Variants in REDIC1 observed in about 807,000 individuals in gnomAD.
REDIC1 encodes regulator of DNA class I crossover intermediates 1.
At chr12:39,854,326 G>A in the REDIC1 span, among the ~76,000 whole-genome samples, 2 of 152,148 alleles carry the variant, frequency 1.3e-5, no homozygotes, top group South Asian at 4.2e-4. Context: ...AATAATACTT[G>A]AATATTGTAA....
chr12:39,645,600 C>T, the REDIC1 span, among the ~76,000 whole-genome samples: 1 of 152,006 alleles, frequency 6.6e-6, no homozygotes, highest in Non-Finnish European at 1.5e-5. Flanking sequence ...TTTCTCTGGT[C>T]CCACATTTTA....
At chr12:39,895,541 TATATATATATACAC>T in the REDIC1 span, among the ~76,000 whole-genome samples, 736 of 93,510 alleles carry the variant, frequency 7.9e-3, 31 homozygotes, top group Non-Finnish European at 0.013. Flanking sequence ...TATATATATA[TATATATATATACAC>T]ACACACACAC....
At chr12:39,795,436 T>C in the REDIC1 span, among the ~76,000 whole-genome samples, 1 of 152,198 alleles carries the variant, frequency 6.6e-6, no homozygotes, top group Admixed American at 6.5e-5. Context: ...TTTAAATATC[T>C]TAAACACAGT....
chr12:39,646,141 A>G, the REDIC1 span, among the ~76,000 whole-genome samples: 1 of 152,000 alleles, frequency 6.6e-6, no homozygotes, highest in Non-Finnish European at 1.5e-5. Flanking sequence ...ATATAAGATG[A>G]TGAATATGTT....
At chr12:39,645,462 C>A in the REDIC1 span, among the ~76,000 whole-genome samples, 1 of 151,994 alleles carries the variant, frequency 6.6e-6, no homozygotes, top group Non-Finnish European at 1.5e-5. Flanking sequence ...TATCAAGATT[C>A]TTTTTCACTT....
chr12:39,864,756 T>G, the REDIC1 span: 9 of 1,612,472 alleles, frequency 5.6e-6, no homozygotes, highest in South Asian at 9.9e-5. Context: ...CATAATGGAA[T>G]CTCACCTGTA....
chr12:39,811,949 C>T, the REDIC1 span, among the ~76,000 whole-genome samples: 1 of 152,044 alleles, frequency 6.6e-6, no homozygotes, highest in Admixed American at 6.6e-5. Context: ...CATAGTTTAC[C>T]AATAGAGTTG....
chr12:39,764,949 C>T, the REDIC1 span: 1 of 1,418,934 alleles, frequency 7.0e-7, no homozygotes, highest in Non-Finnish European at 9.6e-7. Context: ...TTTGGAAATT[C>T]CTTAATGTCT....
At chr12:39,809,690 T>A in the REDIC1 span, among the ~76,000 whole-genome samples, 1 of 152,106 alleles carries the variant, frequency 6.6e-6, no homozygotes, top group African/African-American at 2.4e-5. Context: ...TGGTGTGTGA[T>A]GTTCCCCTTC....
chr12:39,664,545 T>G, the REDIC1 span, among the ~76,000 whole-genome samples: 2 of 152,190 alleles, frequency 1.3e-5, no homozygotes, highest in Non-Finnish European at 2.9e-5. Context: ...TACGTGTGCA[T>G]GTGTTTTTAT....
chr12:39,739,585 A>C, the REDIC1 span, among the ~76,000 whole-genome samples: 1 of 152,338 alleles, frequency 6.6e-6, no homozygotes, highest in East Asian at 1.9e-4. Context: ...GGGATGCTCA[A>C]GGAAGACTTT....
At chr12:39,886,373 T>C in the REDIC1 span, among the ~76,000 whole-genome samples, 1 of 152,280 alleles carries the variant, frequency 6.6e-6, no homozygotes, top group Non-Finnish European at 1.5e-5. Context: ...AAAACATGCT[T>C]GCTCAATTAT....
At chr12:39,695,732 C>A in the REDIC1 span, among the ~76,000 whole-genome samples, 9 of 152,120 alleles carry the variant, frequency 5.9e-5, no homozygotes, top group Admixed American at 1.3e-4. Context: ...CTGCTGATTG[C>A]AGAGCCCTAG....
At chr12:39,813,042 A>G in the REDIC1 span, among the ~76,000 whole-genome samples, 5 of 80,606 alleles carry the variant, frequency 6.2e-5, no homozygotes, top group African/African-American at 1.9e-4. Context: ...ATGGGGTTTC[A>G]CCATGTTGGC....
At chr12:39,699,556 G>A in the REDIC1 span, among the ~76,000 whole-genome samples, 7 of 152,224 alleles carry the variant, frequency 4.6e-5, no homozygotes, top group African/African-American at 1.7e-4. Flanking sequence ...GCTTGCTTAG[G>A]TAAACAAAGC....
chr12:39,657,831 A>G, the REDIC1 span, among the ~76,000 whole-genome samples: 2 of 152,120 alleles, frequency 1.3e-5, 1 homozygote, highest in Middle Eastern at 6.8e-3. Context: ...TAGTTTCACA[A>G]GTCTTTTATT....
At chr12:39,718,069 C>T in the REDIC1 span, among the ~76,000 whole-genome samples, 2 of 151,820 alleles carry the variant, frequency 1.3e-5, no homozygotes, top group Non-Finnish European at 2.9e-5. Context: ...CAGTTTTCTT[C>T]TGCAGGGATT....
At chr12:39,826,841 A>T in the REDIC1 span, among the ~76,000 whole-genome samples, 1 of 102,136 alleles carries the variant, frequency 9.8e-6, no homozygotes, top group African/African-American at 4.0e-5. Flanking sequence ...TATTTCTTTT[A>T]AAGTCTCTTT....
the REDIC1 span, among the ~76,000 whole-genome samples, chr12:39,743,937 C>T: frequency 6.6e-6 from 1 of 152,012 alleles, no homozygotes; most frequent in African/African-American, 2.4e-5. Context: ...GCAATAATGG[C>T]TCAGAATTTC....
Sources: allele counts gnomAD v4.1 joint callset (sites outside exome capture counted in the v4.1 genomes callset), GRCh38; gene constraint gnomAD v4.1.1; transcripts MANE v1.5; gene names NCBI Gene and HGNC (gene_info 2026-07-23, HGNC 2026-07-21).